The following CRPPA variants were observed in gnomAD, a reference collection of about 807,000 sequenced individuals.
CRPPA encodes the protein D-ribitol-5-phosphate cytidylyltransferase.
CRPPA carries 43 observed loss-of-function variants against 52.0 expected under a neutral mutation model. That is an observed-to-expected ratio of 0.83 (90% CI 0.65 to 1.07). CRPPA has a LOEUF of 1.07. Among genes scored for constraint, CRPPA ranks in the 50% least tolerant of loss-of-function variants. CRPPA has a pLI of 0.00. For synonymous variants in CRPPA, 250 were observed against 203.5 expected (o/e 1.23, Z -1.94); for missense variants, 629 against 551.7 (o/e 1.14, Z -1.40).
intron 9 of CRPPA, among the ~76,000 whole-genome samples, chr7:16,204,732 A>C (rs761888724): frequency 6.6e-6 from 1 of 152,218 alleles, no homozygotes; most frequent in African/African-American, 2.4e-5. Flanking sequence ...GAGATAATTC[A>C]TTCAAGTTTA....
chr7:16,326,663 C>T (rs1287182997), intron 3 of CRPPA, among the ~76,000 whole-genome samples: 2 of 152,182 alleles, frequency 1.3e-5, no homozygotes, highest in Non-Finnish European at 2.9e-5. Context: ...CAGTACCTAT[C>T]TACTACTAGT....
At chr7:16,106,234 A>C (rs1782148367) in intron 9 of CRPPA, among the ~76,000 whole-genome samples, 1 of 152,246 alleles carries the variant, frequency 6.6e-6, no homozygotes, top group Admixed American at 6.5e-5. Flanking sequence ...CTGCAAAAAA[A>C]ACCCATCCTG....
chr7:16,323,393 G>A (rs528029570), intron 3 of CRPPA, among the ~76,000 whole-genome samples: 1 of 152,242 alleles, frequency 6.6e-6, no homozygotes, highest in South Asian at 2.1e-4. Context: ...ATTGTCAATA[G>A]AATGAGGAAG....
At chr7:16,135,112 T>C (rs1283155950) in intron 9 of CRPPA, among the ~76,000 whole-genome samples, 1 of 152,212 alleles carries the variant, frequency 6.6e-6, no homozygotes, top group Non-Finnish European at 1.5e-5. Flanking sequence ...GAAGGATGAA[T>C]GATATTCTAA....
At chr7:16,262,443 T>C (rs541856267) in intron 6 of CRPPA, among the ~76,000 whole-genome samples, 2 of 152,204 alleles carry the variant, frequency 1.3e-5, no homozygotes, top group Non-Finnish European at 2.9e-5. Context: ...TCTTACAATG[T>C]TGTGTTTTCA....
At chr7:16,233,259 AG>A (rs915250538) in intron 8 of CRPPA, among the ~76,000 whole-genome samples, 8 of 152,166 alleles carry the variant, frequency 5.3e-5, no homozygotes, top group African/African-American at 1.9e-4. Flanking sequence ...GGAAAACAAC[AG>A]AAAAACATTT....
chr7:16,098,604 C>T (rs1196153611), intron 9 of CRPPA, among the ~76,000 whole-genome samples: 1 of 152,156 alleles, frequency 6.6e-6, no homozygotes, highest in Non-Finnish European at 1.5e-5. Context: ...ATATACACAT[C>T]CCTATCTCTG....
intron 2 of CRPPA, among the ~76,000 whole-genome samples, chr7:16,398,511 G>C (rs1373139084): frequency 1.3e-5 from 2 of 152,110 alleles, no homozygotes; most frequent in African/African-American, 4.8e-5. Context: ...CACGTGATTG[G>C]CATAGGTCCA....
At chr7:16,187,733 A>G (rs1462196923) in intron 9 of CRPPA, among the ~76,000 whole-genome samples, 1 of 152,196 alleles carries the variant, frequency 6.6e-6, no homozygotes, top group Admixed American at 6.5e-5. Context: ...TTTTGAGGGA[A>G]TATGGGATTG....
At chr7:16,341,746 A>T (rs1785842163) in intron 3 of CRPPA, among the ~76,000 whole-genome samples, 1 of 152,180 alleles carries the variant, frequency 6.6e-6, no homozygotes, top group Non-Finnish European at 1.5e-5. Flanking sequence ...TTACAATAAG[A>T]CTTATCTCAA....
At chr7:16,355,155 C>T (rs895638912) in intron 3 of CRPPA, among the ~76,000 whole-genome samples, 8 of 152,078 alleles carry the variant, frequency 5.3e-5, no homozygotes, top group East Asian at 1.9e-4. Flanking sequence ...TATTGTAATC[C>T]GACTAACTTA....
intron 3 of CRPPA, among the ~76,000 whole-genome samples, chr7:16,322,951 C>A (rs927784052): frequency 1.3e-5 from 2 of 152,038 alleles, no homozygotes; most frequent in Non-Finnish European, 2.9e-5. Context: ...TGAGAGCAAG[C>A]TGGGGAAATG....
intron 3 of CRPPA, among the ~76,000 whole-genome samples, chr7:16,311,371 C>G (rs191984509): frequency 2.6e-5 from 4 of 152,140 alleles, no homozygotes; most frequent in Non-Finnish European, 5.9e-5. Context: ...CTTGCAACCA[C>G]TCATCCTTTT....
At chr7:16,296,372 A>G (rs1784675605) in intron 5 of CRPPA, among the ~76,000 whole-genome samples, 1 of 152,160 alleles carries the variant, frequency 6.6e-6, no homozygotes, top group South Asian at 2.1e-4. Context: ...ACTTGAACAT[A>G]AATTAAGATG....
intron 9 of CRPPA, among the ~76,000 whole-genome samples, chr7:16,171,304 T>C (rs960621805): frequency 6.6e-6 from 1 of 152,242 alleles, no homozygotes; most frequent in Non-Finnish European, 1.5e-5. Flanking sequence ...TATTAAAATT[T>C]ACACAATAAA....
chr7:16,139,321 C>T (rs1418583834), intron 9 of CRPPA, among the ~76,000 whole-genome samples: 2 of 152,144 alleles, frequency 1.3e-5, no homozygotes, highest in African/African-American at 4.8e-5. Flanking sequence ...TTGACCTGTA[C>T]ATCCCTGAAC....
At chr7:16,415,759 C>G (rs1048337891) in intron 1 of CRPPA, among the ~76,000 whole-genome samples, 1 of 152,138 alleles carries the variant, frequency 6.6e-6, no homozygotes, top group African/African-American at 2.4e-5. Context: ...CTCTCATTCT[C>G]CCTTCTGTAG....
intron 3 of CRPPA, among the ~76,000 whole-genome samples, chr7:16,360,882 T>C (rs2128309181): frequency 6.6e-6 from 1 of 152,136 alleles, no homozygotes; most frequent in Middle Eastern, 3.4e-3. Context: ...TTAGACCATA[T>C]CTAAATTTAA....
intron 9 of CRPPA, among the ~76,000 whole-genome samples, chr7:16,108,429 A>G (rs1219572040): frequency 6.6e-6 from 1 of 151,960 alleles, no homozygotes; most frequent in East Asian, 1.9e-4. Context: ...ATACATATGC[A>G]CCCAACAACA....
Sources: allele counts gnomAD v4.1 joint callset (sites outside exome capture counted in the v4.1 genomes callset), GRCh38; gene constraint gnomAD v4.1.1; transcripts MANE v1.5; gene names NCBI Gene and HGNC (gene_info 2026-07-23, HGNC 2026-07-21).